LHFPL5: variants seen among roughly 807,000 people sequenced by gnomAD.
LHFPL5 encodes LHFPL tetraspan subfamily member 5 protein.
LHFPL5 carries 12 observed loss-of-function variants against 18.7 expected under a neutral mutation model. The ratio of observed to expected loss-of-function variants is 0.64; its 90% CI spans 0.41 to 1.04. LHFPL5 has a LOEUF of 1.04. LHFPL5 is among the 50% of genes least tolerant of loss of function. The probability of loss-of-function intolerance (pLI) is 0.00; values close to 1 mark genes in which losing one functional copy is unlikely to be tolerated. For synonymous variants in LHFPL5, 111 were observed against 120.2 expected, an observed-to-expected ratio of 0.92 and a Z score of 0.50; for missense variants, 259 against 292.1, an observed-to-expected ratio of 0.89 and a Z score of 0.83.
chr6:35,813,239 ATTTTTTT>A (rs35884324), intron 1 of LHFPL5, among the ~76,000 whole-genome samples: 1 of 56,292 alleles, frequency 1.8e-5, no homozygotes, highest in African/African-American at 6.7e-5. Context: ...AGGAACTAGC[ATTTTTTT>A]TTTTTTTTTT....
At chr6:35,817,090 C>T (rs564728792) in intron 2 of LHFPL5, among the ~76,000 whole-genome samples, 6 of 152,080 alleles carry the variant, frequency 3.9e-5, no homozygotes, top group South Asian at 4.1e-4. Context: ...TTTGGGAGGC[C>T]GAGGTGGGTG....
At chr6:35,819,754 T>C (rs990929405) in intron 3 of LHFPL5, 12 of 432,540 alleles carry the variant, frequency 2.8e-5, no homozygotes, top group Non-Finnish European at 4.3e-5. Flanking sequence ...CTCGGCTCAC[T>C]GCAACCTCCA....
chr6:35,821,191 C>G (rs928980699), intron 3 of LHFPL5, among the ~76,000 whole-genome samples: 26 of 151,936 alleles, frequency 1.7e-4, no homozygotes, highest in Admixed American at 1.6e-3. Flanking sequence ...GTAATCCCAG[C>G]TACTCAGGAG....
In LHFPL5 at chr6:35,811,309, C is replaced by T. The variant is rs561071437; in HGVS notation, c.413-3237C>T. On this transcript the variant is annotated intron_variant, in intron 1 of 3. Coordinates refer to ENST00000360215, the MANE Select transcript of LHFPL5 (RefSeq NM_182548.4). ...TGTCAATAATAATAGCAGTGACTAA[C>T]ATTAATTGGCCACTTTCCATGTACA... 4.6e-5 allele frequency: 7 copies of T among 152,328 alleles called. No homozygotes were observed. In the South Asian group the frequency reaches 8.3e-4, roughly 18 times the overall value. 9.4% of individuals were successfully genotyped at this position (152,328 alleles called of 1,614,324 possible).
chr6:35,819,615 C>T, intron 3 of LHFPL5, 152 bp downstream of exon 3: 1 of 745,558 alleles, frequency 1.3e-6, no homozygotes, highest in Non-Finnish European at 2.4e-6. Context: ...CCCACTGGGG[C>T]AGGAGCTATT....
chr6:35,816,039 C>T (rs886687491), intron 2 of LHFPL5, among the ~76,000 whole-genome samples: 4 of 151,978 alleles, frequency 2.6e-5, no homozygotes, highest in Non-Finnish European at 5.9e-5. Context: ...GGTGCGGTGG[C>T]GGGCGCCTGT....
At position 35,814,262 on chromosome 6, in the gene LHFPL5, G is replaced by A. The variant is rs1215987311; in HGVS notation, c.413-284G>A. Among the ~76,000 whole-genome samples the A allele has an allele frequency of 1.3e-5, 2 of 152,178 alleles. No individual in the cohort carries two copies. Among genetic ancestry groups the A allele is most frequent in the East Asian group, 3.9e-4 (2 of 5,190 alleles). On this transcript the variant is annotated intron_variant, in intron 1 of 3. Coordinates refer to ENST00000360215, the MANE Select transcript of LHFPL5 (RefSeq NM_182548.4). The surrounding 1 kb of genome is among the most constrained non-coding windows in gnomAD (Gnocchi z 4.2). ...AGGTGAGGAGAATGGCTGAAGGCCT[G>A]GGAGGACCACCTGGTGTGGTGGCAG...
At chr6:35,808,268 G>C (rs1768603914) in intron 1 of LHFPL5, among the ~76,000 whole-genome samples, 1 of 147,152 alleles carries the variant, frequency 6.8e-6, no homozygotes, top group Non-Finnish European at 1.5e-5. Context: ...AGACCAGCCT[G>C]GACAACATAG....
At chr6:35,819,910 C>T (rs1226927575) in intron 3 of LHFPL5, 1 of 209,454 alleles carries the variant, frequency 4.8e-6, no homozygotes, top group Non-Finnish European at 9.8e-6. Flanking sequence ...ATCTCCTGAC[C>T]TCAGGTGATC....
chr6:35,810,842 A>AG lies in LHFPL5; in HGVS notation c.413-3704_413-3703insG, dbSNP rs1240137824. ...ACTCCGTCTCAAAAAAAAAAAAAAA[A>AG]AAGAAAGAAAAGAAAAACACAAGAA... On this transcript the variant is annotated intron_variant, in intron 1 of 3. Transcript: ENST00000360215. 9.7e-3 allele frequency among the ~76,000 whole-genome samples: 1,474 copies of AG among 151,454 alleles called. 28 individuals are homozygous for AG. The highest frequency in any genetic ancestry group is 0.034 in the African/African-American group (1,397 of 41,110).
intron 1 of LHFPL5, among the ~76,000 whole-genome samples, chr6:35,806,992 T>C (rs1357519606): frequency 6.6e-6 from 1 of 151,948 alleles, no homozygotes; most frequent in Non-Finnish European, 1.5e-5. Flanking sequence ...GTCTAGCTAA[T>C]TTTTTTTGTA....
rs565662674 is a variant in LHFPL5 at position 35,811,482 on chromosome 6, C to T, written c.413-3064C>T. The T allele has an allele frequency of 3.9e-5, 6 of 152,380 alleles. No homozygotes were observed. In the East Asian group the frequency reaches 1.2e-3, roughly 29 times the overall value. The allele number at this position is 152,380 out of a possible 1,614,324, so 9.4% of individuals were successfully genotyped here. ...CACTGTGCTGGCTTCTGCTTAGAGC[C>T]TTGAGATGCCACAACTGGGGCTGAC... On this transcript the variant is annotated intron_variant, in intron 1 of 3. Transcript: ENST00000360215.
At chr6:35,812,950 G>A (rs978329143) in intron 1 of LHFPL5, among the ~76,000 whole-genome samples, 34 of 152,108 alleles carry the variant, frequency 2.2e-4, no homozygotes, top group African/African-American at 7.5e-4. Flanking sequence ...AGCTACTCAG[G>A]AGGGTGAGGC....
chr6:35,818,346 TA>T (rs1768803375), intron 2 of LHFPL5, among the ~76,000 whole-genome samples: 10 of 6,168 alleles, frequency 1.6e-3, no homozygotes, highest in African/African-American at 3.1e-3. Flanking sequence ...TATATATATA[TA>T]TGTATTTTTT....
Position 35,823,448 on chromosome 6 carries a change from T to TAC in LHFPL5, c.*512_*513dup, listed in dbSNP as rs70975109. Reference sequence around the variant, plus strand: ...ACATACATACACACACACATATATATACACACACACACACACACACACACA... The same window carrying TAC: ...ACATACATACACACACACATATATATACACACACACACACACACACACACACA... On this transcript the variant is annotated 3_prime_UTR_variant, in exon 4 of 4. Transcript: ENST00000360215. The TAC allele has an allele frequency of 0.11, 8,523 of 76,808 alleles. 350 individuals carry two copies. The highest frequency in any genetic ancestry group is 0.15 in the Middle Eastern group (25 of 164). The allele number at this position is 76,808 out of a possible 1,614,324, so 4.8% of individuals were successfully genotyped here.
At chr6:35,813,865 C>G (rs1768713732) in intron 1 of LHFPL5, among the ~76,000 whole-genome samples, 2 of 137,782 alleles carry the variant, frequency 1.5e-5, no homozygotes, top group Admixed American at 1.6e-4. Flanking sequence ...GGTGTGATCT[C>G]AGCTCACCGC....
intron 1 of LHFPL5, among the ~76,000 whole-genome samples, chr6:35,812,912 G>A (rs1488964038): frequency 3.3e-5 from 5 of 152,156 alleles, no homozygotes; most frequent in East Asian, 3.9e-4. Flanking sequence ...AAAATTAGCC[G>A]GGCATGGTGG....
At chr6:35,817,951 GT>G (rs1466162760) in intron 2 of LHFPL5, among the ~76,000 whole-genome samples, 1 of 152,160 alleles carries the variant, frequency 6.6e-6, no homozygotes, top group African/African-American at 2.4e-5. Context: ...CAATTCAGTG[GT>G]TTTTAGTATA....
rs1554147856 is a variant in LHFPL5 at position 35,823,477 on chromosome 6, A to ACACTCTCTCTCT, written c.*513_*514insACTCTCTCTCTC. The ACACTCTCTCTCT allele has an allele frequency of 8.5e-5, 12 of 140,846 alleles. No individual in the cohort carries two copies. The highest frequency in any genetic ancestry group is 2.7e-4 in the African/African-American group (10 of 36,592). The allele number at this position is 140,846 out of a possible 1,614,324, so 8.7% of individuals were successfully genotyped here. A position where few individuals can be genotyped will look rare whatever the true frequency, so the allele number is the denominator to read the frequency against. On this transcript the variant is annotated 3_prime_UTR_variant, in exon 4 of 4. Coordinates refer to ENST00000360215, the MANE Select transcript of LHFPL5 (RefSeq NM_182548.4). ...CACACACACACACACACACACACACACTCTCTCTCTCTCTCAAACACACAC... is the reference window on the plus strand; with the variant it reads ...CACACACACACACACACACACACACACACTCTCTCTCTCTCTCTCTCTCTCTCAAACACACAC...
Sources: allele counts gnomAD v4.1 joint callset (sites outside exome capture counted in the v4.1 genomes callset), GRCh38; gene constraint gnomAD v4.1.1; non-coding constraint Gnocchi (gnomAD v3.1); transcripts MANE v1.5; gene names NCBI Gene and HGNC (gene_info 2026-07-23, HGNC 2026-07-21).